SYT3: variants seen among roughly 807,000 people sequenced by gnomAD.
SYT3 encodes the protein synaptotagmin-3.
In SYT3, 25 loss-of-function variants were observed where a neutral mutation model predicts 50.6. The observed-to-expected ratio is 0.49, with a 90% CI of 0.36 to 0.69. The LOEUF is 0.69. Among genes scored for constraint, SYT3 ranks in the 30% least tolerant of loss-of-function variants. SYT3 has a pLI of 0.00. For synonymous variants in SYT3, 323 were observed against 353.9 expected (o/e 0.91, Z 0.98); for missense variants, 589 against 793.6 (o/e 0.74, Z 3.10).
chr19:50,648,818 GCA>G, the SYT3 span, among the ~76,000 whole-genome samples: 1 of 152,146 alleles, frequency 6.6e-6, no homozygotes, highest in Non-Finnish European at 1.5e-5. Flanking sequence ...GCAGGGATGA[GCA>G]GAGGGCAAGT....
the SYT3 span, chr19:50,655,946 G>A: frequency 9.3e-7 from 1 of 1,074,756 alleles, no homozygotes; most frequent in South Asian, 1.4e-5. Flanking sequence ...TGGCATACAA[G>A]CTATTCTGGG....
At chr19:50,649,243 T>C in the SYT3 span, among the ~76,000 whole-genome samples, 1 of 151,246 alleles carries the variant, frequency 6.6e-6, no homozygotes, top group African/African-American at 2.4e-5. Flanking sequence ...AAAGAAGGGA[T>C]TGGGGCACAC....
rs373493529 is a variant in SYT3 at position 50,626,094 on chromosome 19, G to T, written c.1282-77C>A. The T allele has an allele frequency of 1.1e-4, 163 of 1,534,914 alleles. No homozygotes were observed. In the African/African-American group the frequency reaches 1.8e-3, roughly 17 times the overall value. ...CTCCCTGATTTTCTCTCCGGTCGGA[G>T]CCTCCTGCTTTACACCCTGACATCC... On this transcript the variant is annotated intron_variant, in intron 6 of 10. Coordinates refer to ENST00000600079, the MANE Select transcript of SYT3 (RefSeq NM_001160329.2).
chr19:50,655,720 A>G, the SYT3 span, among the ~76,000 whole-genome samples: 3 of 152,098 alleles, frequency 2.0e-5, no homozygotes, highest in Admixed American at 6.5e-5. Context: ...CACAGTGAAG[A>G]AGTAAGCCTG....
At chr19:50,656,257 T>C in the SYT3 span, 1 of 1,536,076 alleles carries the variant, frequency 6.5e-7, no homozygotes, top group Non-Finnish European at 8.7e-7. Context: ...CATTGCAGAG[T>C]ACGAGGCACT....
chr19:50,649,262 C>T, the SYT3 span, among the ~76,000 whole-genome samples: 1 of 151,452 alleles, frequency 6.6e-6, no homozygotes, highest in Non-Finnish European at 1.5e-5. Flanking sequence ...ACAGGGAGTC[C>T]CTGAGGTCAG....
In SYT3 at chr19:50,625,975, G is replaced by A; in HGVS notation, c.1324C>T (p.Leu442Phe). ...LGELNFSLCY[L>F]PTAGRLTVTI... The stretch of plus-strand genomic sequence containing the variant: ...ACGGTGAGGCGCCCGGCCGTGGGGA[G>A]GTAGCAGAGTGAGAAGTTGAGCTCC... The change falls in exon 7 of 11, where the codon CTC becomes TTC. Residue 442 changes from leucine (L) to phenylalanine (F), a missense_variant. Physicochemically the swap from Leu to Phe is conservative, Grantham distance 22. Coordinates refer to ENST00000600079, the MANE Select transcript of SYT3 (RefSeq NM_001160329.2). The surrounding 1 kb of genome is among the most constrained non-coding windows in gnomAD (Gnocchi z 7.5). 6.2e-7 allele frequency: 1 copy of A among 1,614,080 alleles called. No homozygotes were observed. Among genetic ancestry groups the A allele is most frequent in the Non-Finnish European group, 8.5e-7 (1 of 1,179,994 alleles).
Position 50,632,261 on chromosome 19 carries a change from C to T in SYT3, c.674+25G>A. On this transcript the variant is annotated intron_variant, in intron 4 of 10. Transcript: ENST00000600079. This position sits in a 1 kb window ranked among gnomAD's most constrained non-coding sequence, Gnocchi z 4.7. Reference sequence around the variant, plus strand: ...AGGAGGAGCAGAAGTTCAGAGTGGACCCCCAACCCAGTATCCTCTCTCACC... The same window carrying T: ...AGGAGGAGCAGAAGTTCAGAGTGGATCCCCAACCCAGTATCCTCTCTCACC... The T allele has an allele frequency of 6.5e-7, 1 of 1,533,240 alleles. No individual in the cohort carries two copies. The highest frequency in any genetic ancestry group is 8.8e-7 in the Non-Finnish European group (1 of 1,136,052). 95.0% of individuals were successfully genotyped at this position (1,533,240 alleles called of 1,614,324 possible). A position where few individuals can be genotyped will look rare whatever the true frequency, so the allele number is the denominator to read the frequency against.
chr19:50,656,594 A>C, the SYT3 span, among the ~76,000 whole-genome samples: 1 of 152,068 alleles, frequency 6.6e-6, no homozygotes, highest in Non-Finnish European at 1.5e-5. Context: ...GCAGGGAGGG[A>C]GGACAAAAGG....
chr19:50,643,383 T>C (rs2037928399), upstream of SYT3, among the ~76,000 whole-genome samples: 1 of 151,158 alleles, frequency 6.6e-6, no homozygotes, highest in South Asian at 2.1e-4. Flanking sequence ...GATGTGCGTT[T>C]ACATCCAGGC....
chr19:50,637,491 G>A lies in SYT3; in HGVS notation c.-15-65C>T. 6.9e-7 allele frequency: 1 copy of A among 1,453,234 alleles called. No homozygotes were observed. The highest frequency in any genetic ancestry group is 9.4e-7 in the Non-Finnish European group (1 of 1,068,170). 90.0% of individuals were successfully genotyped at this position (1,453,234 alleles called of 1,614,324 possible). A position where few individuals can be genotyped will look rare whatever the true frequency, so the allele number is the denominator to read the frequency against. The stretch of plus-strand genomic sequence containing the variant: ...ACAGAATGGGAGTGCAGGGTGGGCA[G>A]GTGTGGAGATAAGGGTGGAAAGAGA... On this transcript the variant is annotated intron_variant, in intron 2 of 10. Transcript: ENST00000600079. This position sits in a 1 kb window ranked among gnomAD's most constrained non-coding sequence, Gnocchi z 4.9.
Position 50,626,024 on chromosome 19 carries a change from T to C in SYT3, c.1282-7A>G, listed in dbSNP as rs554304952. The C allele has an allele frequency of 1.1e-4, 177 of 1,612,978 alleles. 1 individual carries two copies. The highest frequency in any genetic ancestry group is 8.5e-4 in the South Asian group (77 of 90,824). On this transcript the variant is annotated splice_polypyrimidine_tract_variant and splice_region_variant and intron_variant, in intron 6 of 10. Coordinates refer to ENST00000600079, the MANE Select transcript of SYT3 (RefSeq NM_001160329.2). ...CCCCAAGATCTGCTTTTTCCTGCAG[T>C]TGGGGAAAAGGTCAGCGATATCTTG... is the stretch of plus-strand genomic sequence containing the variant.
Position 50,637,563 on chromosome 19 carries a change from G to C in SYT3, c.-15-137C>G, listed in dbSNP as rs1190673680. The stretch of plus-strand genomic sequence containing the variant: ...GCAAAGGGGACAGAGATTAGGGGCA[G>C]ATGGATTAGGGATGGAGATTCGAGG... On this transcript the variant is annotated intron_variant, in intron 2 of 10. Transcript: ENST00000600079. The surrounding 1 kb of genome is among the most constrained non-coding windows in gnomAD (Gnocchi z 4.9). The C allele has an allele frequency of 2.1e-5, 14 of 676,978 alleles. No individual in the cohort carries two copies. The highest frequency in any genetic ancestry group is 3.4e-5 in the Non-Finnish European group (14 of 412,488). The allele number at this position is 676,978 out of a possible 1,614,324, so 41.9% of individuals were successfully genotyped here.
chr19:50,643,655 G>A (rs765846900), upstream of SYT3, among the ~76,000 whole-genome samples: 1 of 152,056 alleles, frequency 6.6e-6, no homozygotes, highest in African/African-American at 2.4e-5. Context: ...CATTCAACTC[G>A]ATTCATGCAG....
In SYT3 at chr19:50,625,781, TCCAGA is replaced by T; in HGVS notation, c.1402+111_1402+115del. The T allele has an allele frequency of 1.3e-5, 7 of 554,208 alleles. 3 individuals are homozygous for T. Among genetic ancestry groups the T allele is most frequent in the African/African-American group, 5.1e-5 (2 of 39,530 alleles). 34.3% of individuals were successfully genotyped at this position (554,208 alleles called of 1,614,324 possible). A position where few individuals can be genotyped will look rare whatever the true frequency, so the allele number is the denominator to read the frequency against. On this transcript the variant is annotated intron_variant, in intron 7 of 10. Transcript: ENST00000600079. The surrounding 1 kb of genome is among the most constrained non-coding windows in gnomAD (Gnocchi z 7.5). ...GCCCCTCCTCCCTCAGACCCAGGAG[TCCAGA>T]TCCCCAGCTCCTCCTCCCTCAGACC...
chr19:50,625,316 G>T lies in SYT3; in HGVS notation c.1575-22C>A. ...GATGCTGGGGGTTGGGGTCAGTGAG[G>T]ACCGTGGAGGGTGGTGGGAGGGCCT... On this transcript the variant is annotated intron_variant, in intron 8 of 10. Transcript: ENST00000600079. The surrounding 1 kb of genome is among the most constrained non-coding windows in gnomAD (Gnocchi z 7.5). 1.3e-6 allele frequency: 2 copies of T among 1,532,664 alleles called. No individual in the cohort carries two copies. The highest frequency in any genetic ancestry group is 1.8e-6 in the Non-Finnish European group (2 of 1,140,994). The allele number at this position is 1,532,664 out of a possible 1,614,324, so 94.9% of individuals were successfully genotyped here. A position where few individuals can be genotyped will look rare whatever the true frequency, so the allele number is the denominator to read the frequency against.
At chr19:50,623,506 G>A (rs1466657926) in intron 9 of SYT3, among the ~76,000 whole-genome samples, 3 of 151,716 alleles carry the variant, frequency 2.0e-5, no homozygotes, top group African/African-American at 7.3e-5. Flanking sequence ...GGCCAGGCGC[G>A]GTGGCTCACG....
Position 50,637,250 on chromosome 19 carries a change from G to T in SYT3, c.148+14C>A. On this transcript the variant is annotated intron_variant, in intron 3 of 10. Coordinates refer to ENST00000600079, the MANE Select transcript of SYT3 (RefSeq NM_001160329.2). The surrounding 1 kb of genome is among the most constrained non-coding windows in gnomAD (Gnocchi z 4.9). ...GCAAGCAGGGGGCTGGCCAAGACAG[G>T]CAGGGGTGCTGACCTGCATCTGGAC... is the stretch of plus-strand genomic sequence containing the variant. 6.2e-7 allele frequency: 1 copy of T among 1,610,604 alleles called. No individual in the cohort carries two copies. Among genetic ancestry groups the T allele is most frequent in the South Asian group, 1.1e-5 (1 of 91,016 alleles).
chr19:50,624,976 T>G, intron 9 of SYT3, 186 bp downstream of exon 9: 1 of 474,078 alleles, frequency 2.1e-6, no homozygotes, highest in East Asian at 3.5e-5. Flanking sequence ...TCCTAGTGGG[T>G]AAATTGAGGC....
Sources: gnomAD v4.1 joint callset for allele counts (sites outside exome capture counted in the v4.1 genomes callset) on GRCh38, gnomAD v4.1.1 for gene constraint, Gnocchi (gnomAD v3.1) non-coding constraint, MANE v1.5 for transcripts, NCBI Gene and HGNC (gene_info 2026-07-23, HGNC 2026-07-21) for gene names.